ADARB2: variants seen among roughly 807,000 people sequenced by gnomAD.
ADARB2 encodes the protein adenosine deaminase RNA specific B2 (inactive).
In ADARB2, 25 loss-of-function variants were observed where a neutral mutation model predicts 62.2. That is an observed-to-expected ratio of 0.40 (90% confidence interval 0.29 to 0.56). ADARB2 has a LOEUF of 0.56. Among genes scored for constraint, ADARB2 ranks in the 20% least tolerant of loss-of-function variants. The pLI, the probability that ADARB2 is intolerant of heterozygous loss-of-function variation, is 0.43. For synonymous variants in ADARB2, 572 were observed against 500.8 expected (o/e 1.14, Z -1.90); for missense variants, 1,071 against 1,077.4 (o/e 0.99, Z 0.08).
chr10:1,424,282 A>C (rs1832877016), intron 1 of ADARB2, among the ~76,000 whole-genome samples: 2 of 152,198 alleles, frequency 1.3e-5, no homozygotes, highest in Non-Finnish European at 2.9e-5. Context: ...TCTGGGAGTA[A>C]GAAGCGTTTA....
intron 6 of ADARB2, among the ~76,000 whole-genome samples, chr10:1,228,570 C>T (rs925973656): frequency 2.6e-5 from 4 of 152,220 alleles, no homozygotes; most frequent in Admixed American, 2.6e-4. Flanking sequence ...GTCTTTCAGG[C>T]ATTTGTCCCT....
intron 1 of ADARB2, among the ~76,000 whole-genome samples, chr10:1,689,597 C>A (rs1054047889): frequency 2.6e-5 from 4 of 152,206 alleles, no homozygotes; most frequent in African/African-American, 4.8e-5. Context: ...ACCTCATAGA[C>A]CTGCCTATTG....
chr10:1,268,683 GCA>G (rs1831230562), intron 4 of ADARB2, among the ~76,000 whole-genome samples: 1 of 152,090 alleles, frequency 6.6e-6, no homozygotes. Context: ...TAGTAATTTT[GCA>G]CATTTCTAAT....
chr10:1,629,949 G>A (rs538235859), intron 1 of ADARB2, among the ~76,000 whole-genome samples: 24 of 152,128 alleles, frequency 1.6e-4, no homozygotes, highest in African/African-American at 4.6e-4. Context: ...ACCAACCCCC[G>A]TCATTCCTTC....
intron 1 of ADARB2, among the ~76,000 whole-genome samples, chr10:1,455,827 C>T (rs1344863897): frequency 6.6e-6 from 1 of 152,056 alleles, no homozygotes; most frequent in Non-Finnish European, 1.5e-5. Flanking sequence ...GAAACTATTC[C>T]CCCCTTCTGT....
intron 7 of ADARB2, among the ~76,000 whole-genome samples, chr10:1,214,462 C>A (rs900920423): frequency 7.3e-6 from 1 of 136,164 alleles, no homozygotes; most frequent in African/African-American, 2.9e-5. Context: ...CCCAGCGTTG[C>A]GTGGGTTTGC....
intron 1 of ADARB2, among the ~76,000 whole-genome samples, chr10:1,567,387 G>T (rs1033975753): frequency 2.0e-5 from 3 of 152,334 alleles, no homozygotes; most frequent in Admixed American, 6.5e-5. Context: ...GCCTGGATGT[G>T]GCTGTGGGTG....
chr10:1,377,450 A>G (rs1476724499), intron 2 of ADARB2, among the ~76,000 whole-genome samples: 2 of 86,960 alleles, frequency 2.3e-5, no homozygotes, highest in African/African-American at 9.3e-5. Context: ...TGGGGTGTGC[A>G]TATGTGTGTG....
intron 1 of ADARB2, among the ~76,000 whole-genome samples, chr10:1,414,975 G>C (rs1425104292): frequency 1.3e-5 from 2 of 151,886 alleles, no homozygotes; most frequent in East Asian, 3.9e-4. Context: ...ATGGTGAATG[G>C]ATAGGATGAT....
chr10:1,290,637 G>A lies in ADARB2; in HGVS notation c.1078-19568C>T, dbSNP rs1004114199. 10 of 152,358 alleles carry A rather than the reference G, an allele frequency of 6.6e-5. No homozygotes were observed. In the East Asian group the frequency reaches 1.2e-3, roughly 18 times the overall value. 9.4% of individuals were successfully genotyped at this position (152,358 alleles called of 1,614,324 possible). Reference sequence around the variant, plus strand: ...GATTTCAAACAAGCCTGAGATGAGAGATCCCACATTCAGCCTTGAGCAACT... The same window carrying A: ...GATTTCAAACAAGCCTGAGATGAGAAATCCCACATTCAGCCTTGAGCAACT... On this transcript the variant is annotated intron_variant, in intron 3 of 9. Coordinates refer to ENST00000381312, the MANE Select transcript of ADARB2 (RefSeq NM_018702.4).
Position 1,183,255 on chromosome 10 carries a change from C to T in ADARB2, c.2158G>A (p.Ala720Thr). ...KQQLFKAFQK[A>T]GLGTWVRKPP... ...TTCCTCACCCAGGTGCCCAGGCCAG[C>T]CTTCTGAAAGGCCTTGAACAGCTGC... Residue 720 changes from alanine (A) to threonine (T), a missense_variant, in exon 10 of 10, where the codon GCT becomes ACT. Ala to Thr is a moderately conservative substitution (Grantham distance 58). Coordinates refer to ENST00000381312, the MANE Select transcript of ADARB2 (RefSeq NM_018702.4). The T allele has an allele frequency of 6.2e-7, 1 of 1,614,118 alleles. No individual in the cohort carries two copies. The highest frequency in any genetic ancestry group is 1.3e-5 in the African/African-American group (1 of 75,058).
At chr10:1,291,326 A>G (rs767248012) in intron 3 of ADARB2, 6 of 152,242 alleles carry the variant, frequency 3.9e-5, no homozygotes, top group African/African-American at 7.2e-5. Context: ...TCTGGAGAAC[A>G]GAAATCAGTG....
intron 1 of ADARB2, among the ~76,000 whole-genome samples, chr10:1,679,180 A>G (rs1233771582): frequency 6.6e-6 from 1 of 152,156 alleles, no homozygotes; most frequent in Non-Finnish European, 1.5e-5. Flanking sequence ...AAAGGCATCG[A>G]GGAGCTGCCC....
intron 1 of ADARB2, among the ~76,000 whole-genome samples, chr10:1,617,164 G>A (rs1363564482): frequency 2.2e-4 from 24 of 109,314 alleles, no homozygotes; most frequent in African/African-American, 4.6e-4. Context: ...CTGGGAACTG[G>A]CCTCAGAGGG....
intron 1 of ADARB2, among the ~76,000 whole-genome samples, chr10:1,572,731 G>T (rs2131994000): frequency 6.6e-6 from 1 of 152,322 alleles, no homozygotes; most frequent in Non-Finnish European, 1.5e-5. Flanking sequence ...CAGTGAAGAG[G>T]AGGTCACTGA....
chr10:1,224,912 T>C (rs1013913117), intron 6 of ADARB2, among the ~76,000 whole-genome samples: 1 of 152,222 alleles, frequency 6.6e-6, no homozygotes, highest in Admixed American at 6.5e-5. Context: ...GGTGGAGAGT[T>C]CTGTAGATGT....
At chr10:1,361,673 G>A (rs1206811050) in intron 3 of ADARB2, 1 of 152,220 alleles carries the variant, frequency 6.6e-6, no homozygotes, top group African/African-American at 2.4e-5. Flanking sequence ...GCTCTGCCAT[G>A]ACGCATGTGG....
chr10:1,623,402 T>G (rs7475327), intron 1 of ADARB2, among the ~76,000 whole-genome samples: 20,796 of 152,256 alleles, frequency 0.14, 1,671 homozygotes, highest in South Asian at 0.3. Context: ...ACTACAGTAG[T>G]TTCTACTGTA....
At chr10:1,246,491 A>G (rs1389724530) in intron 4 of ADARB2, among the ~76,000 whole-genome samples, 3 of 108,122 alleles carry the variant, frequency 2.8e-5, no homozygotes, top group Middle Eastern at 4.0e-3. Flanking sequence ...TAAGTCTTTA[A>G]TCCATCTTGA....
Sources: gnomAD v4.1 joint callset for allele counts (sites outside exome capture counted in the v4.1 genomes callset) on GRCh38, gnomAD v4.1.1 for gene constraint, MANE v1.5 for transcripts, NCBI Gene and HGNC (gene_info 2026-07-23, HGNC 2026-07-21) for gene names.